The following LSAMP variants were observed in gnomAD, a reference collection of about 807,000 sequenced individuals.
LSAMP encodes the protein limbic system-associated membrane protein.
A neutral mutation model predicts 38.6 loss-of-function variants in LSAMP; 7 were observed. The observed-to-expected ratio is 0.18, with a 90% CI of 0.10 to 0.34. LSAMP has a LOEUF of 0.34. LSAMP is among the 10% of genes least tolerant of loss of function. The pLI is 1.00. For synonymous variants in LSAMP, 154 were observed against 166.8 expected, an observed-to-expected ratio of 0.92 and a Z score of 0.59; for missense variants, 313 against 420.0, an observed-to-expected ratio of 0.75 and a Z score of 2.23.
At chr3:116,167,542 A>G (rs570770160) in intron 1 of LSAMP, among the ~76,000 whole-genome samples, 1 of 152,230 alleles carries the variant, frequency 6.6e-6, no homozygotes, top group South Asian at 2.1e-4. Context: ...CTGATTGTCT[A>G]TCTATCCATC....
chr3:116,346,327 C>CTTTT (rs11391341), intron 1 of LSAMP, among the ~76,000 whole-genome samples: 12 of 142,270 alleles, frequency 8.4e-5, no homozygotes, highest in East Asian at 2.1e-4. Flanking sequence ...TTAGTTTTAT[C>CTTTT]TTTTTTTTTT....
chr3:115,974,087 G>A (rs1345293455), intron 3 of LSAMP, among the ~76,000 whole-genome samples: 3 of 151,896 alleles, frequency 2.0e-5, no homozygotes, highest in African/African-American at 4.8e-5. Flanking sequence ...GGAGGGTAGT[G>A]TAATCCCAGC....
intron 1 of LSAMP, among the ~76,000 whole-genome samples, chr3:116,158,972 T>TG (rs1709821605): frequency 6.6e-6 from 1 of 152,058 alleles, no homozygotes; most frequent in South Asian, 2.1e-4. Context: ...AGGCATCATG[T>TG]GATCTTCGAC....
chr3:116,278,061 A>C (rs1449455790), intron 1 of LSAMP, among the ~76,000 whole-genome samples: 3 of 152,190 alleles, frequency 2.0e-5, no homozygotes, highest in Non-Finnish European at 4.4e-5. Context: ...AATAAAAGTG[A>C]AGTGTATTAA....
At chr3:115,967,952 G>A (rs1196095953) in intron 3 of LSAMP, among the ~76,000 whole-genome samples, 2 of 152,148 alleles carry the variant, frequency 1.3e-5, no homozygotes, top group East Asian at 3.9e-4. Context: ...CCAAGCAGAG[G>A]AGTCCCTCCC....
chr3:116,430,098 C>T (rs2107870431), intron 1 of LSAMP, among the ~76,000 whole-genome samples: 1 of 152,266 alleles, frequency 6.6e-6, no homozygotes, highest in South Asian at 2.1e-4. Context: ...ATGAAGCTGG[C>T]TGATGTTAAA....
chr3:116,043,224 CTTT>C (rs113895473), intron 2 of LSAMP, among the ~76,000 whole-genome samples: 5 of 152,160 alleles, frequency 3.3e-5, no homozygotes, highest in African/African-American at 1.2e-4. Flanking sequence ...TTATCATATG[CTTT>C]TTTTAAAAAC....
intron 3 of LSAMP, among the ~76,000 whole-genome samples, chr3:115,939,026 T>A (rs974489393): frequency 1.3e-5 from 2 of 152,154 alleles, no homozygotes; most frequent in Non-Finnish European, 2.9e-5. Context: ...TCTATGGCTT[T>A]TGAAACATGT....
intron 1 of LSAMP, among the ~76,000 whole-genome samples, chr3:116,161,369 C>G (rs527759795): frequency 6.6e-6 from 1 of 152,112 alleles, no homozygotes; most frequent in Non-Finnish European, 1.5e-5. Flanking sequence ...CTATACTAGT[C>G]TGTAAATAGC....
At chr3:115,930,046 G>C (rs146859699) in intron 3 of LSAMP, among the ~76,000 whole-genome samples, 396 of 121,028 alleles carry the variant, frequency 3.3e-3, no homozygotes, top group Non-Finnish European at 4.5e-3. Context: ...GATAGGTCTT[G>C]TGAAGTATTG....
At chr3:116,074,804 A>G (rs1707697400) in intron 2 of LSAMP, among the ~76,000 whole-genome samples, 1 of 148,878 alleles carries the variant, frequency 6.7e-6, no homozygotes, top group Admixed American at 6.7e-5. Flanking sequence ...TAAATTGGCA[A>G]TTTATGTCTT....
At chr3:115,867,299 C>A (rs1261707120) in intron 3 of LSAMP, among the ~76,000 whole-genome samples, 1 of 152,068 alleles carries the variant, frequency 6.6e-6, no homozygotes, top group African/African-American at 2.4e-5. Context: ...ACCTTCTATA[C>A]TAATCTAAAA....
chr3:115,992,564 T>C (rs1450615495), intron 3 of LSAMP, among the ~76,000 whole-genome samples: 1 of 152,028 alleles, frequency 6.6e-6, no homozygotes. Context: ...TCAAATCTTC[T>C]CATAAGATGC....
rs75725389 is a variant in LSAMP, at chr3:115,816,324, G to T, written c.920-5910C>A. Among the ~76,000 whole-genome samples the T allele has an allele frequency of 9.2e-5, 14 of 152,262 alleles. No individual in the cohort carries two copies. The East Asian group carries it at 2.7e-3, about 29-fold the overall frequency. On this transcript the variant is annotated intron_variant, in intron 6 of 6. Coordinates refer to ENST00000490035, the MANE Select transcript of LSAMP (RefSeq NM_002338.5). ...TTGCAGCTCTGTCAGAATGAACCAT[G>T]AATACTTAAGAAAGGGAAAGTAGGA...
chr3:116,210,006 G>A (rs991928958), intron 1 of LSAMP, among the ~76,000 whole-genome samples: 11 of 152,000 alleles, frequency 7.2e-5, no homozygotes, highest in Admixed American at 3.9e-4. Context: ...CGCCCACCTC[G>A]GCCTCGCAAA....
intron 3 of LSAMP, among the ~76,000 whole-genome samples, chr3:116,016,255 C>T (rs1940479998): frequency 1.3e-5 from 2 of 152,154 alleles, no homozygotes; most frequent in South Asian, 2.1e-4. Context: ...GGAAAGTTCT[C>T]TCTCCTGTCA....
chr3:115,986,429 C>CA (rs1017118369), intron 3 of LSAMP, among the ~76,000 whole-genome samples: 4 of 151,790 alleles, frequency 2.6e-5, no homozygotes, highest in African/African-American at 9.7e-5. Context: ...CATATATCAC[C>CA]AAAAAAATAA....
chr3:116,335,970 T>C (rs1236163567), intron 1 of LSAMP, among the ~76,000 whole-genome samples: 1 of 152,010 alleles, frequency 6.6e-6, no homozygotes, highest in African/African-American at 2.4e-5. Context: ...GTGTATATGG[T>C]CAAATAATTT....
intron 1 of LSAMP, among the ~76,000 whole-genome samples, chr3:116,090,747 A>G (rs995447729): frequency 5.9e-5 from 9 of 152,192 alleles, no homozygotes; most frequent in African/African-American, 2.2e-4. Flanking sequence ...ACAAGCCACA[A>G]AAACCAGCAA....
Sources: gnomAD v4.1 joint callset for allele counts (sites outside exome capture counted in the v4.1 genomes callset) on GRCh38, gnomAD v4.1.1 for gene constraint, MANE v1.5 for transcripts, NCBI Gene and HGNC (gene_info 2026-07-23, HGNC 2026-07-21) for gene names.